DIMT1: variants seen among roughly 807,000 people sequenced by gnomAD.
DIMT1 encodes the protein dimethyladenosine transferase.
In DIMT1, 36 loss-of-function variants were observed where a neutral mutation model predicts 43.2. The ratio of observed to expected loss-of-function variants is 0.83; its 90% CI spans 0.64 to 1.10. DIMT1 has a LOEUF of 1.10. Ranked by LOEUF, DIMT1 falls within the 50% of genes least tolerant of loss-of-function variation. The probability of loss-of-function intolerance (pLI) is 0.00; values close to 1 mark genes in which losing one functional copy is unlikely to be tolerated. For synonymous variants in DIMT1, 126 were observed against 130.3 expected (o/e 0.97, Z 0.22); for missense variants, 341 against 385.3 (o/e 0.88, Z 0.96).
rs529721325 is a variant in DIMT1 at position 62,387,380 on chromosome 5, A to C, written c.*1630T>G. 6.6e-6 allele frequency: 1 copy of C among 152,198 alleles called. No individual in the cohort carries two copies. The highest frequency in any genetic ancestry group is 6.5e-5 in the Admixed American group (1 of 15,274). The allele number at this position is 152,198 out of a possible 1,614,324, so 9.4% of individuals were successfully genotyped here. A position where few individuals can be genotyped will look rare whatever the true frequency, so the allele number is the denominator to read the frequency against. ...AACCAACTTTCAAAGGGCAATAAAGACATGTGAATTTGCTCATTTTAAAGC... is the reference window on the plus strand; with the variant it reads ...AACCAACTTTCAAAGGGCAATAAAGCCATGTGAATTTGCTCATTTTAAAGC... On this transcript the variant is annotated 3_prime_UTR_variant, in exon 12 of 12. Transcript: ENST00000199320.
In DIMT1 at chr5:62,390,899, G is replaced by A; in HGVS notation, c.876C>T (p.Ser292=). The change falls in exon 11 of 12, where the codon TCC becomes TCT. Residue 292 remains serine, a synonymous_variant. Transcript: ENST00000199320. The part of the protein sequence containing the change: ...STGFSDKRAR[S]MDIDDFIRLL... ...ACCTGATGAAGTCATCTATGTCCAT[G>A]GAACGGGCCCGTTTGTCACTAAAAC... is the stretch of plus-strand genomic sequence containing the variant. 2 of 1,612,028 alleles carry A rather than the reference G, an allele frequency of 1.2e-6. No individual in the cohort carries two copies. Among genetic ancestry groups the A allele is most frequent in the Non-Finnish European group, 1.7e-6 (2 of 1,179,812 alleles).
intron 1 of DIMT1, 146 bp from the exon 2 acceptor site, chr5:62,403,492 T>A (rs1265548084): frequency 1.0e-6 from 1 of 983,346 alleles, no homozygotes; most frequent in Non-Finnish European, 1.5e-6. Context: ...AAACTCTTTA[T>A]AAGTTCATCC....
chr5:62,403,830 C>T lies in DIMT1; in HGVS notation c.-58G>A. On this transcript the variant is annotated 5_prime_UTR_variant, in exon 1 of 12. Transcript: ENST00000199320. ...GTCAAGGAGGACCAAAGAGGGCTAG[C>T]GTGAGAAAGCCACCACGTGGGGATC... The T allele has an allele frequency of 6.4e-7, 1 of 1,556,664 alleles. No individual in the cohort carries two copies. Among genetic ancestry groups the T allele is most frequent in the Non-Finnish European group, 8.7e-7 (1 of 1,144,640 alleles).
At chr5:62,400,804 G>T (rs1399767630) in intron 3 of DIMT1, among the ~76,000 whole-genome samples, 1 of 152,000 alleles carries the variant, frequency 6.6e-6, no homozygotes, top group Non-Finnish European at 1.5e-5. Context: ...TGTCACCCAG[G>T]CTGTAGTGAA....
intron 2 of DIMT1, 50 bp from the exon 3 acceptor site, chr5:62,402,172 GA>G (rs1368828183): frequency 5.1e-6 from 8 of 1,581,710 alleles, no homozygotes; most frequent in African/African-American, 2.7e-5. Flanking sequence ...TCAGAACACA[GA>G]AGTTAATTTA....
chr5:62,398,326 C>T (rs1353019685), intron 6 of DIMT1, 185 bp downstream of exon 6: 3 of 599,104 alleles, frequency 5.0e-6, no homozygotes, highest in Non-Finnish European at 9.0e-6. Context: ...AGAAGCAGGA[C>T]TTCCAGCACA....
In DIMT1 at chr5:62,388,917, G is replaced by T; in HGVS notation, c.*93C>A. On this transcript the variant is annotated 3_prime_UTR_variant, in exon 12 of 12. Transcript: ENST00000199320. Reference sequence around the variant, plus strand: ...AACCAAAAATAGTCAAGTAAATAATGTCTCAGTAAAGCAAAAGCATTATCT... The same window carrying T: ...AACCAAAAATAGTCAAGTAAATAATTTCTCAGTAAAGCAAAAGCATTATCT... 1 of 1,167,634 alleles carries T rather than the reference G, an allele frequency of 8.6e-7. No individual in the cohort carries two copies. Among genetic ancestry groups the T allele is most frequent in the Non-Finnish European group, 1.2e-6 (1 of 803,014 alleles). 72.3% of individuals were successfully genotyped at this position (1,167,634 alleles called of 1,614,324 possible).
chr5:62,395,441 C>G (rs1742451525), intron 6 of DIMT1, among the ~76,000 whole-genome samples: 1 of 152,162 alleles, frequency 6.6e-6, no homozygotes, highest in East Asian at 1.9e-4. Flanking sequence ...ATGAGTCACA[C>G]TAAAAATACA....
chr5:62,399,471 C>CAAAAACAA (rs1433953286), intron 3 of DIMT1, among the ~76,000 whole-genome samples: 1 of 150,634 alleles, frequency 6.6e-6, no homozygotes, highest in Non-Finnish European at 1.5e-5. Context: ...TGTCTCAAAA[C>CAAAAACAA]AAAAACAAAA....
At chr5:62,390,146 A>C (rs865975520) in intron 11 of DIMT1, among the ~76,000 whole-genome samples, 1 of 152,218 alleles carries the variant, frequency 6.6e-6, no homozygotes, top group East Asian at 1.9e-4. Flanking sequence ...CCTCTAGAAC[A>C]TGGAAGCTTT....
At chr5:62,399,106 C>T (rs773710007) in intron 3 of DIMT1, among the ~76,000 whole-genome samples, 1 of 151,980 alleles carries the variant, frequency 6.6e-6, no homozygotes, top group Admixed American at 6.6e-5. Flanking sequence ...CTGGGGTGGG[C>T]GAATCATGAG....
intron 2 of DIMT1, among the ~76,000 whole-genome samples, chr5:62,403,070 T>C (rs1047954619): frequency 2.0e-5 from 3 of 152,156 alleles, no homozygotes; most frequent in Admixed American, 6.5e-5. Flanking sequence ...AGACACAGAA[T>C]TGGGAACCAG....
intron 6 of DIMT1, among the ~76,000 whole-genome samples, chr5:62,397,438 T>C (rs1434218140): frequency 6.6e-6 from 1 of 152,244 alleles, no homozygotes; most frequent in African/African-American, 2.4e-5. Flanking sequence ...TTGTGTAAGC[T>C]AAACCAACTG....
Position 62,400,191 on chromosome 5 carries a change from C to T in DIMT1, c.241-1310G>A, listed in dbSNP as rs754715186. Among the ~76,000 whole-genome samples, 3 of 151,938 alleles carry T rather than the reference C, an allele frequency of 2.0e-5. No homozygotes were observed. In the East Asian group the frequency reaches 5.8e-4, roughly 29 times the overall value. On this transcript the variant is annotated intron_variant, in intron 3 of 11. Transcript: ENST00000199320. ...AATGAAAATGGATGTCAAATAAGGC[C>T]GAAATTGAAATTTTATTGCAATTTC... is the stretch of plus-strand genomic sequence containing the variant.
intron 2 of DIMT1, among the ~76,000 whole-genome samples, chr5:62,402,811 C>T (rs911668336): frequency 6.6e-6 from 1 of 152,106 alleles, no homozygotes; most frequent in Admixed American, 6.6e-5. Context: ...CATCCATAAC[C>T]ATAAGAGAAC....
chr5:62,394,355 C>G, intron 7 of DIMT1, 129 bp downstream of exon 7: 2 of 994,682 alleles, frequency 2.0e-6, no homozygotes, highest in Non-Finnish European at 3.0e-6. Flanking sequence ...CTAGTCCCAG[C>G]TACTCGGGAC....
intron 6 of DIMT1, among the ~76,000 whole-genome samples, chr5:62,396,275 T>C (rs1742492476): frequency 6.6e-6 from 1 of 151,712 alleles, no homozygotes; most frequent in Non-Finnish European, 1.5e-5. Context: ...TTGGGGAGGC[T>C]GAGGTGGGCA....
At position 62,390,942 on chromosome 5, in the gene DIMT1, T is replaced by C; in HGVS notation, c.833A>G (p.Gln278Arg). Reference protein sequence around the residue: ...EDFSIADKIQQILTSTGFSDK... With the variant: ...EDFSIADKIQRILTSTGFSDK... ...ACTAAAACCTGTGCTGGTTAGGATT[T>C]GCTGTATTTTATCTGCTATGCTGAA... Residue 278 changes from glutamine (Q) to arginine (R), a missense_variant, in exon 11 of 12, where the codon CAA (glutamine) becomes CGA (arginine). Transcript: ENST00000199320. 6.2e-7 allele frequency: 1 copy of C among 1,612,836 alleles called. No individual in the cohort carries two copies. Among genetic ancestry groups the C allele is most frequent in the Non-Finnish European group, 8.5e-7 (1 of 1,179,908 alleles).
At chr5:62,393,338 A>G (rs1375050673) in intron 8 of DIMT1, among the ~76,000 whole-genome samples, 4 of 152,142 alleles carry the variant, frequency 2.6e-5, no homozygotes, top group African/African-American at 9.7e-5. Context: ...CTTGAGACCA[A>G]AAGTTCAAGT....
Sources: allele counts gnomAD v4.1 joint callset (sites outside exome capture counted in the v4.1 genomes callset), GRCh38; gene constraint gnomAD v4.1.1; transcripts MANE v1.5; gene names NCBI Gene and HGNC (gene_info 2026-07-23, HGNC 2026-07-21).